TICRR: variants seen among roughly 807,000 people sequenced by gnomAD.
TICRR encodes treslin.
A neutral mutation model predicts 178.1 loss-of-function variants in TICRR; 132 were observed. The observed-to-expected ratio is 0.74, with a 90% CI of 0.64 to 0.86. TICRR has a LOEUF of 0.86. TICRR is among the 40% of genes least tolerant of loss of function. TICRR has a pLI of 0.00. For synonymous variants in TICRR, 991 were observed against 900.7 expected (o/e 1.10, Z -1.79); for missense variants, 2,587 against 2,334.3 (o/e 1.11, Z -2.23).
chr15:89,595,921 G>A (rs1962991221), intron 7 of TICRR, among the ~76,000 whole-genome samples: 1 of 151,958 alleles, frequency 6.6e-6, no homozygotes. Context: ...CTGCTTTACA[G>A]ATTTTTTTTT....
At chr15:89,576,893 A>G (rs1159958756) in intron 1 of TICRR, among the ~76,000 whole-genome samples, 1 of 146,524 alleles carries the variant, frequency 6.8e-6, no homozygotes, top group Non-Finnish European at 1.5e-5. Context: ...ACATTTATTT[A>G]TATACATATA....
chr15:89,596,918 TTATTTA>T (rs1459551353), intron 7 of TICRR, among the ~76,000 whole-genome samples: 2 of 152,232 alleles, frequency 1.3e-5, no homozygotes, highest in African/African-American at 4.8e-5. Flanking sequence ...TCATTGATAC[TTATTTA>T]TAAATATTTT....
intron 14 of TICRR, among the ~76,000 whole-genome samples, chr15:89,608,146 C>G (rs527685435): frequency 5.3e-5 from 8 of 152,224 alleles, no homozygotes; most frequent in Admixed American, 1.3e-4. Flanking sequence ...TGAGTAGCTT[C>G]TAACTCAATA....
rs1393969071 is a variant in TICRR at position 89,601,329 on chromosome 15, A to G, written c.2185A>G (p.Met729Val). ...CQLQVFLRLE[M>V]CLQCPSINES... ...GCTTCAGGTATTTCTTCGTTTGGAG[A>G]TGTGTCTGCAATGCCCTTCAATAAA... The change falls in exon 10 of 22, where the codon ATG (methionine) becomes GTG (valine). Residue 729 changes from methionine (M) to valine (V), a missense_variant. Coordinates refer to ENST00000268138, the MANE Select transcript of TICRR (RefSeq NM_152259.4). 1 of 1,614,094 alleles carries G rather than the reference A, an allele frequency of 6.2e-7. No individual in the cohort carries two copies. The highest frequency in any genetic ancestry group is 8.5e-7 in the Non-Finnish European group (1 of 1,180,018).
rs369746780 is a variant in TICRR, at chr15:89,621,527, T to A, written c.3289T>A (p.Ser1097Thr). The A allele has an allele frequency of 1.2e-6, 2 of 1,613,376 alleles. No individual in the cohort carries two copies. Among genetic ancestry groups the A allele is most frequent in the Non-Finnish European group, 1.7e-6 (2 of 1,179,828 alleles). The change falls in exon 19 of 22, where the codon TCG becomes ACG. Residue 1097 changes from serine (S) to threonine (T), a missense_variant. Physicochemically the swap from Ser to Thr is moderately conservative, Grantham distance 58. Coordinates refer to ENST00000268138, the MANE Select transcript of TICRR (RefSeq NM_152259.4). Reference protein sequence around the residue: ...MKKRSRNTLDSEVPAAYQTPK... With the variant: ...MKKRSRNTLDTEVPAAYQTPK... ...AAAGCGTTCAAGAAACACTTTGGATTCGGAGGTACCTGCAGCTTACCAGGT... is the reference window on the plus strand; with the variant it reads ...AAAGCGTTCAAGAAACACTTTGGATACGGAGGTACCTGCAGCTTACCAGGT...
Position 89,575,906 on chromosome 15 carries a change from C to A in TICRR, c.320C>A (p.Thr107Lys). ...ATHTHGALME[T>K]LLDYQWDRPE... The stretch of plus-strand genomic sequence containing the variant: ...CACACGCACGGCGCCCTGATGGAGA[C>A]GCTGCTAGACTACCAGTGGGACCGG... The change falls in exon 1 of 22, where the codon ACG (threonine) becomes AAG (lysine). Residue 107 changes from threonine to lysine, a missense_variant. Transcript: ENST00000268138. 1 of 1,590,650 alleles carries A rather than the reference C, an allele frequency of 6.3e-7. No individual in the cohort carries two copies. The highest frequency in any genetic ancestry group is 8.5e-7 in the Non-Finnish European group (1 of 1,170,798).
At chr15:89,599,190 C>A (rs58132044) in intron 7 of TICRR, 134 bp from the exon 8 acceptor site, 20 of 442,146 alleles carry the variant, frequency 4.5e-5, no homozygotes, top group East Asian at 2.3e-4. Context: ...CCACCACCAT[C>A]AGTCATGACA....
chr15:89,623,586 A>T, intron 19 of TICRR, 37 bp from the exon 20 acceptor site: 1 of 1,559,016 alleles, frequency 6.4e-7, no homozygotes, highest in Non-Finnish European at 8.7e-7. Context: ...CATGAGTTAT[A>T]ATATTCAAGG....
intron 4 of TICRR, among the ~76,000 whole-genome samples, chr15:89,590,567 G>C (rs1962894067): frequency 6.6e-6 from 1 of 152,146 alleles, no homozygotes; most frequent in Admixed American, 6.5e-5. Context: ...CAGTGTGCCG[G>C]CTTATTGTCC....
chr15:89,599,473 GAAGT>G lies in TICRR; in HGVS notation c.2052+2_2052+5del. ...AAAATCAAAAGGCACCAAGGAATTA[GAAGT>G]AAGAGGGTCCAGATATTGTTGTTTG... On this transcript the variant is annotated splice_donor_variant and coding_sequence_variant, in exon 8 of 22. Coordinates refer to ENST00000268138, the MANE Select transcript of TICRR (RefSeq NM_152259.4). LOFTEE classifies it high-confidence loss of function. 6.2e-7 allele frequency: 1 copy of G among 1,611,362 alleles called. No homozygotes were observed. Among genetic ancestry groups the G allele is most frequent in the Non-Finnish European group, 8.5e-7 (1 of 1,179,298 alleles).
chr15:89,597,981 A>AG (rs1027318936), intron 7 of TICRR, among the ~76,000 whole-genome samples: 14 of 152,002 alleles, frequency 9.2e-5, no homozygotes, highest in East Asian at 5.8e-4. Flanking sequence ...TTTCATATTT[A>AG]GGGGGGGTGC....
In TICRR at chr15:89,627,594, G is replaced by A. The variant is rs1199492170; in HGVS notation, c.*508G>A. 6.4e-6 allele frequency: 1 copy of A among 155,490 alleles called. No homozygotes were observed. Among genetic ancestry groups the A allele is most frequent in the Non-Finnish European group, 1.4e-5 (1 of 70,134 alleles). 9.6% of individuals were successfully genotyped at this position (155,490 alleles called of 1,614,324 possible). On this transcript the variant is annotated 3_prime_UTR_variant, in exon 22 of 22. Coordinates refer to ENST00000268138, the MANE Select transcript of TICRR (RefSeq NM_152259.4). ...GTGTAACAGTAAAATCATCTCTAGT[G>A]ACTGAGCACTCAGTACATTTTTGTT...
intron 21 of TICRR, among the ~76,000 whole-genome samples, chr15:89,626,730 T>A (rs968787682): frequency 1.3e-5 from 2 of 152,158 alleles, no homozygotes; most frequent in Non-Finnish European, 2.9e-5. Context: ...CCACAGGTAC[T>A]TTGCATTTTC....
Position 89,624,021 on chromosome 15 carries a change from G to A in TICRR, c.3711G>A (p.Arg1237=), listed in dbSNP as rs567593366. 7.4e-5 allele frequency: 119 copies of A among 1,613,782 alleles called. 2 individuals carry two copies. The South Asian group carries it at 1.3e-3, about 17-fold the overall frequency. ...APPTSSTAQP[R]RECLTPIRDP... ...CAACTTCATCGACTGCCCAGCCCAG[G>A]AGAGAGTGTCTCACTCCCATCAGAG... Residue 1237 remains arginine, a synonymous_variant, in exon 20 of 22, where the codon AGG becomes AGA. Transcript: ENST00000268138.
chr15:89,607,607 T>C (rs1567047425), intron 14 of TICRR, among the ~76,000 whole-genome samples: 1 of 152,154 alleles, frequency 6.6e-6, no homozygotes, highest in Non-Finnish European at 1.5e-5. Context: ...ACTCTTATAA[T>C]GGAGATAAGG....
In TICRR at chr15:89,616,465, A is replaced by T; in HGVS notation, c.2930A>T (p.Lys977Ile). Residue 977 changes from lysine to isoleucine, a missense_variant, in exon 16 of 22, where the codon AAA (lysine) becomes ATA (isoleucine). Physicochemically the swap from Lys to Ile is moderately radical, Grantham distance 102. Transcript: ENST00000268138. ...ACTCCAGTGCATAAGCAGATCTCCAAAAGGCTGCTGCACAGACAAATCAAG... is the reference window on the plus strand; with the variant it reads ...ACTCCAGTGCATAAGCAGATCTCCATAAGGCTGCTGCACAGACAAATCAAG... ...AETPVHKQIS[K>I]RLLHRQIKGR... 1 of 1,613,988 alleles carries T rather than the reference A, an allele frequency of 6.2e-7. No individual in the cohort carries two copies. Among genetic ancestry groups the T allele is most frequent in the South Asian group, 1.1e-5 (1 of 91,074 alleles).
chr15:89,620,217 A>G (rs573377761), intron 18 of TICRR, among the ~76,000 whole-genome samples: 1 of 152,116 alleles, frequency 6.6e-6, no homozygotes, highest in East Asian at 1.9e-4. Context: ...TTCTTATTTT[A>G]TCTTTTTTTG....
chr15:89,583,833 T>G (rs1470961513), intron 2 of TICRR, among the ~76,000 whole-genome samples: 1 of 137,866 alleles, frequency 7.3e-6, no homozygotes, highest in Admixed American at 7.4e-5. Flanking sequence ...ACTAAAGGCA[T>G]GAGCCACCAC....
At chr15:89,597,431 A>G (rs1266922734) in intron 7 of TICRR, among the ~76,000 whole-genome samples, 1 of 151,764 alleles carries the variant, frequency 6.6e-6, no homozygotes, top group Admixed American at 6.6e-5. Context: ...TTACTGAGTC[A>G]TGAGAATCGC....
Sources: allele counts gnomAD v4.1 joint callset (sites outside exome capture counted in the v4.1 genomes callset), GRCh38; gene constraint gnomAD v4.1.1; transcripts MANE v1.5; gene names NCBI Gene and HGNC (gene_info 2026-07-23, HGNC 2026-07-21).